TPH2: variants seen among roughly 807,000 people sequenced by gnomAD.
TPH2 encodes the protein tryptophan hydroxylase 2, also known as tryptophan 5-hydroxylase 2.
A neutral mutation model predicts 59.1 loss-of-function variants in TPH2; 27 were observed. The ratio of observed to expected loss-of-function variants is 0.46; its 90% CI spans 0.34 to 0.63. The LOEUF is 0.63. Ranked by LOEUF, TPH2 falls within the 30% of genes least tolerant of loss-of-function variation. The pLI is 0.01. For missense variants in TPH2, 523 were observed against 588.3 expected, an observed-to-expected ratio of 0.89 and a Z score of 1.15; for synonymous variants, 220 against 210.5, an observed-to-expected ratio of 1.05 and a Z score of -0.39.
At chr12:71,941,776 T>G (rs375170997) in intron 2 of TPH2, 43 bp downstream of exon 2, 19 of 1,580,242 alleles carry the variant, frequency 1.2e-5, no homozygotes, top group East Asian at 4.5e-5. Flanking sequence ...AGTGACCGTG[T>G]GCCTGGGTAC....
In TPH2 at chr12:71,938,991, A is replaced by G; in HGVS notation, c.5A>G (p.Gln2Arg). The G allele has an allele frequency of 6.2e-7, 1 of 1,613,858 alleles. No homozygotes were observed. The highest frequency in any genetic ancestry group is 8.5e-7 in the Non-Finnish European group (1 of 1,179,774). The change falls in exon 1 of 11, where the codon CAG becomes CGG. Residue 2 changes from glutamine to arginine, a missense_variant. Transcript: ENST00000333850. ...AAGAATATTACACCGGGATCCATGCAGCCAGCAATGATGATGTTTTCCAGT... is the reference window on the plus strand; with the variant it reads ...AAGAATATTACACCGGGATCCATGCGGCCAGCAATGATGATGTTTTCCAGT... The part of the protein sequence containing the change: M[Q>R]PAMMMFSSKY...
chr12:71,999,096 G>A (rs1008249063), intron 8 of TPH2, among the ~76,000 whole-genome samples: 2 of 152,160 alleles, frequency 1.3e-5, no homozygotes, highest in African/African-American at 4.8e-5. Context: ...AATCGGCACC[G>A]CCAAACTCTT....
intron 7 of TPH2, among the ~76,000 whole-genome samples, chr12:71,983,582 T>G (rs1413157897): frequency 6.6e-6 from 1 of 152,054 alleles, no homozygotes; most frequent in Non-Finnish European, 1.5e-5. Context: ...GGGAAGTCCA[T>G]TGTGTGCTCT....
intron 6 of TPH2, among the ~76,000 whole-genome samples, chr12:71,973,606 G>A (rs943474592): frequency 9.2e-5 from 14 of 152,070 alleles, no homozygotes; most frequent in Non-Finnish European, 1.6e-4. Context: ...CATAAAAATG[G>A]GCAACCAGCG....
At chr12:71,947,861 C>A (rs1011702201) in intron 4 of TPH2, among the ~76,000 whole-genome samples, 1 of 152,162 alleles carries the variant, frequency 6.6e-6, no homozygotes, top group East Asian at 1.9e-4. Context: ...AGAAGAGAGG[C>A]AGTTGAGATT....
At chr12:71,998,346 T>A (rs1056746078) in intron 8 of TPH2, among the ~76,000 whole-genome samples, 1 of 152,134 alleles carries the variant, frequency 6.6e-6, no homozygotes, top group Non-Finnish European at 1.5e-5. Flanking sequence ...TTCTGTATGA[T>A]GTGGAGAGTA....
intron 5 of TPH2, chr12:71,964,493 T>C: frequency 1.4e-6 from 1 of 724,626 alleles, no homozygotes; most frequent in Non-Finnish European, 1.7e-6. Flanking sequence ...TGATGCAGAA[T>C]ATATATATAT....
intron 8 of TPH2, among the ~76,000 whole-genome samples, chr12:72,002,490 A>G (rs1447679774): frequency 6.6e-6 from 1 of 152,234 alleles, no homozygotes; most frequent in African/African-American, 2.4e-5. Context: ...AGCTCTGATA[A>G]TGGCAAGGTT....
At chr12:71,984,869 C>T (rs546848060) in intron 7 of TPH2, among the ~76,000 whole-genome samples, 5 of 152,250 alleles carry the variant, frequency 3.3e-5, no homozygotes, top group Admixed American at 1.3e-4. Flanking sequence ...AGGAGAAGTC[C>T]GGTTTGGGCT....
intron 1 of TPH2, among the ~76,000 whole-genome samples, chr12:71,940,774 G>A (rs1387309517): frequency 6.6e-6 from 1 of 152,142 alleles, no homozygotes; most frequent in African/African-American, 2.4e-5. Flanking sequence ...TTAGCCAGCA[G>A]GATTAATAGA....
At chr12:72,013,786 TA>T (rs978919210) in intron 8 of TPH2, among the ~76,000 whole-genome samples, 1 of 152,214 alleles carries the variant, frequency 6.6e-6, no homozygotes, top group Non-Finnish European at 1.5e-5. Flanking sequence ...ACATTTAATT[TA>T]AAAAATGTGA....
chr12:71,956,442 C>G (rs1780647084), intron 5 of TPH2, among the ~76,000 whole-genome samples: 1 of 140,218 alleles, frequency 7.1e-6, no homozygotes. Context: ...CTCCCTTCCT[C>G]CCTTCCTCCC....
chr12:71,946,267 A>G (rs1368065524), intron 4 of TPH2, among the ~76,000 whole-genome samples: 1 of 152,210 alleles, frequency 6.6e-6, no homozygotes, highest in Non-Finnish European at 1.5e-5. Flanking sequence ...GTATTAAATC[A>G]TCCGGATCAA....
intron 5 of TPH2, among the ~76,000 whole-genome samples, chr12:71,950,582 C>T (rs1185611499): frequency 6.6e-6 from 1 of 152,134 alleles, no homozygotes; most frequent in Non-Finnish European, 1.5e-5. Context: ...TTGTTCTACT[C>T]ATGCTAGTAT....
intron 5 of TPH2, among the ~76,000 whole-genome samples, chr12:71,960,718 T>G (rs1394404760): frequency 6.6e-6 from 1 of 152,210 alleles, no homozygotes; most frequent in African/African-American, 2.4e-5. Context: ...TATCACTTAC[T>G]GACAAGGACA....
intron 5 of TPH2, among the ~76,000 whole-genome samples, 166 bp from the exon 6 acceptor site, chr12:71,972,353 T>G (rs1459357642): frequency 6.6e-6 from 1 of 152,162 alleles, no homozygotes; most frequent in African/African-American, 2.4e-5. Context: ...ATGCACAACA[T>G]TAGAAGGTTA....
chr12:71,986,463 G>A (rs1445530769), intron 7 of TPH2, among the ~76,000 whole-genome samples: 8 of 152,100 alleles, frequency 5.3e-5, no homozygotes, highest in African/African-American at 1.9e-4. Context: ...AAGAGCTTAA[G>A]CATTCTAACA....
intron 8 of TPH2, among the ~76,000 whole-genome samples, chr12:72,005,576 G>A (rs768005790): frequency 1.2e-4 from 18 of 152,122 alleles, no homozygotes; most frequent in African/African-American, 4.1e-4. Flanking sequence ...GGAAAAAGGA[G>A]CATCGAGGTT....
intron 5 of TPH2, among the ~76,000 whole-genome samples, chr12:71,956,625 T>C (rs914783745): frequency 6.6e-6 from 1 of 151,604 alleles, no homozygotes; most frequent in Non-Finnish European, 1.5e-5. Flanking sequence ...CCTTCCTTTT[T>C]TTGAAACAGG....
Sources: gnomAD v4.1 joint callset for allele counts (sites outside exome capture counted in the v4.1 genomes callset) on GRCh38, gnomAD v4.1.1 for gene constraint, MANE v1.5 for transcripts, NCBI Gene and HGNC (gene_info 2026-07-23, HGNC 2026-07-21) for gene names.